The following DPP6 variants were observed in gnomAD, a reference collection of about 807,000 sequenced individuals.
The protein encoded by DPP6 is A-type potassium channel modulatory protein DPP6.
DPP6 carries 69 observed loss-of-function variants against 122.6 expected under a neutral mutation model. The observed-to-expected ratio is 0.56, with a 90% CI of 0.46 to 0.69. DPP6 has a LOEUF of 0.69. Among genes scored for constraint, DPP6 ranks in the 30% least tolerant of loss-of-function variants. The probability of loss-of-function intolerance (pLI) is 0.00; values close to 1 mark genes in which losing one functional copy is unlikely to be tolerated. For synonymous variants in DPP6, 418 were observed against 433.1 expected (o/e 0.97, Z 0.43); for missense variants, 928 against 1,116.9 (o/e 0.83, Z 2.41).
intron 8 of DPP6, among the ~76,000 whole-genome samples, chr7:154,731,339 CT>C (rs1199614654): frequency 6.6e-6 from 1 of 152,148 alleles, no homozygotes; most frequent in Non-Finnish European, 1.5e-5. Context: ...AGAAAAATGC[CT>C]TATTGATTTG....
the DPP6 span, among the ~76,000 whole-genome samples, chr7:153,799,367 G>A: frequency 1.1e-4 from 17 of 152,192 alleles, no homozygotes; most frequent in Admixed American, 5.9e-4. Flanking sequence ...GAATTTGTAC[G>A]ATGAAGACAT....
rs1333637145 is a variant in DPP6 at position 153,994,356 on chromosome 7, G to A, written c.51+106622G>A. ...AAACTTCACCTGTAATATTCAAGGA[G>A]TAGTGGAGTACGTGATAATGCACTA... On this transcript the variant is annotated intron_variant, in intron 1 of 25. Coordinates refer to the DPP6 transcript ENST00000404039. 2.6e-5 allele frequency among the ~76,000 whole-genome samples: 4 copies of A among 151,852 alleles called. No individual in the cohort carries two copies. In the East Asian group the frequency reaches 5.8e-4, roughly 22 times the overall value.
intron 8 of DPP6, among the ~76,000 whole-genome samples, chr7:154,766,190 G>T (rs1795887957): frequency 6.6e-6 from 1 of 152,210 alleles, no homozygotes; most frequent in African/African-American, 2.4e-5. Context: ...CGTGGCACAG[G>T]TTCTTCGCAT....
chr7:154,669,382 C>T lies in DPP6; in HGVS notation c.703C>T (p.Pro235Ser), dbSNP rs1838403557. Residue 235 changes from proline (P) to serine (S), a missense_variant, in exon 7 of 26, where the codon CCA (proline) becomes TCA (serine). By Grantham distance (74) the Pro-to-Ser change is moderately conservative. Transcript: ENST00000377770. ...PHGDPQSLDP[P>S]EVSNAKLQYA... ...CAGGGATCCTCAAAGTCTGGACCCA[C>T]CAGAAGTCAGCAATGCAAAACTTCA... is the stretch of plus-strand genomic sequence containing the variant. 1 of 1,555,734 alleles carries T rather than the reference C, an allele frequency of 6.4e-7. No homozygotes were observed. The highest frequency in any genetic ancestry group is 8.7e-7 in the Non-Finnish European group (1 of 1,148,924).
At chr7:154,327,112 G>T (rs1234206857) in intron 1 of DPP6, among the ~76,000 whole-genome samples, 1 of 152,062 alleles carries the variant, frequency 6.6e-6, no homozygotes, top group Non-Finnish European at 1.5e-5. Context: ...CATTTGGGGG[G>T]TCTGAATGGT....
chr7:153,988,938 G>T (rs555939832), intron 1 of DPP6, among the ~76,000 whole-genome samples: 5 of 150,246 alleles, frequency 3.3e-5, no homozygotes, highest in Admixed American at 2.0e-4. Context: ...TGGTGGGAAG[G>T]GGGCTTCGCA....
intron 16 of DPP6, among the ~76,000 whole-genome samples, chr7:154,809,692 T>TA (rs1798923507): frequency 6.6e-6 from 1 of 152,148 alleles, no homozygotes; most frequent in South Asian, 2.1e-4. Flanking sequence ...AGGTAACACA[T>TA]ACGCAGCTTG....
intron 3 of DPP6, among the ~76,000 whole-genome samples, chr7:154,477,840 G>A (rs1315922929): frequency 6.6e-6 from 1 of 152,192 alleles, no homozygotes; most frequent in Non-Finnish European, 1.5e-5. Context: ...TGCCTTTGGT[G>A]TTGAGGAGCT....
intron 1 of DPP6, among the ~76,000 whole-genome samples, chr7:154,104,185 G>T (rs1009469676): frequency 1.3e-5 from 2 of 152,198 alleles, no homozygotes; most frequent in Admixed American, 6.5e-5. Flanking sequence ...TTCTGGAATC[G>T]CAGTCTCCTC....
intron 1 of DPP6, among the ~76,000 whole-genome samples, chr7:154,323,149 G>A (rs547944844): frequency 3.1e-4 from 47 of 152,192 alleles, no homozygotes; most frequent in African/African-American, 1.1e-3. Flanking sequence ...AGTTTATAAC[G>A]TATTTAAACA....
At chr7:153,992,852 C>T (rs1422249041) in intron 1 of DPP6, among the ~76,000 whole-genome samples, 1 of 152,128 alleles carries the variant, frequency 6.6e-6, no homozygotes, top group Non-Finnish European at 1.5e-5. Flanking sequence ...GGGGCCCATT[C>T]TGTCCCTGAA....
intron 1 of DPP6, among the ~76,000 whole-genome samples, chr7:154,397,049 G>T (rs1159678781): frequency 6.6e-6 from 1 of 151,366 alleles, no homozygotes; most frequent in Non-Finnish European, 1.5e-5. Context: ...ATAATCTAAT[G>T]AAATAGATTA....
chr7:154,878,466 A>G (rs1433977181), intron 20 of DPP6, among the ~76,000 whole-genome samples: 2 of 152,224 alleles, frequency 1.3e-5, no homozygotes, highest in African/African-American at 2.4e-5. Context: ...CTGATGCCCA[A>G]TGGCGCCAAG....
intron 4 of DPP6, among the ~76,000 whole-genome samples, chr7:154,555,287 TA>T (rs1036205430): frequency 3.3e-5 from 5 of 152,002 alleles, no homozygotes; most frequent in East Asian, 3.9e-4. Context: ...TATGCAGCCA[TA>T]AAAAATGATG....
intron 2 of DPP6, among the ~76,000 whole-genome samples, chr7:154,456,500 TA>T (rs1257253647): frequency 6.6e-6 from 1 of 152,060 alleles, no homozygotes; most frequent in Non-Finnish European, 1.5e-5. Context: ...GGATGCCTTC[TA>T]AAGTGGTGGG....
At chr7:154,731,099 T>C (rs1466437934) in intron 8 of DPP6, among the ~76,000 whole-genome samples, 1 of 152,220 alleles carries the variant, frequency 6.6e-6, no homozygotes, top group African/African-American at 2.4e-5. Context: ...GGATTCTTGC[T>C]TCCTTTTTTA....
rs1262518632 is a variant in DPP6, at chr7:154,602,793, C to G, written c.628-35028C>G. On this transcript the variant is annotated intron_variant, in intron 5 of 25. Coordinates refer to ENST00000377770, the MANE Select transcript of DPP6 (RefSeq NM_130797.4). ...GACAGGGTCTTACTCTGTCACCCAG[C>G]CTGGAGTGCAGTGGTGCGATCTCTA... 6.3e-5 allele frequency among the ~76,000 whole-genome samples: 7 copies of G among 111,182 alleles called. 1 individual carries two copies. Among genetic ancestry groups the G allele is most frequent in the African/African-American group, 1.7e-4 (6 of 34,984 alleles). 72.9% of individuals were successfully genotyped at this position (111,182 alleles called of 152,430 possible).
At chr7:154,564,261 G>A (rs1159009929) in intron 4 of DPP6, among the ~76,000 whole-genome samples, 1 of 152,096 alleles carries the variant, frequency 6.6e-6, no homozygotes, top group Non-Finnish European at 1.5e-5. Context: ...TGAATAGGAG[G>A]AGAAAAATGG....
chr7:154,740,083 A>G (rs1842747693), intron 8 of DPP6, among the ~76,000 whole-genome samples: 1 of 152,228 alleles, frequency 6.6e-6, no homozygotes, highest in African/African-American at 2.4e-5. Context: ...AAGAATTCTC[A>G]TTGGTCTTGA....
Sources: gnomAD v4.1 joint callset for allele counts (sites outside exome capture counted in the v4.1 genomes callset) on GRCh38, gnomAD v4.1.1 for gene constraint, MANE v1.5 for transcripts, NCBI Gene and HGNC (gene_info 2026-07-23, HGNC 2026-07-21) for gene names.